The following PALM2AKAP2 variants were observed in gnomAD, a reference collection of about 807,000 sequenced individuals.
The protein encoded by PALM2AKAP2 is PALM2-AKAP2 fusion protein.
In PALM2AKAP2, 37 loss-of-function variants were observed where a neutral mutation model predicts 71.5. The ratio of observed to expected loss-of-function variants is 0.52; its 90% CI spans 0.40 to 0.68. PALM2AKAP2 has a LOEUF of 0.68. PALM2AKAP2 is among the 30% of genes least tolerant of loss of function. The pLI, the probability that PALM2AKAP2 is intolerant of heterozygous loss-of-function variation, is 0.00. For synonymous variants in PALM2AKAP2, 468 were observed against 478.8 expected, an observed-to-expected ratio of 0.98 and a Z score of 0.29; for missense variants, 1,224 against 1,191.8, an observed-to-expected ratio of 1.03 and a Z score of -0.40.
At chr9:110,058,478 T>C (rs1487444448) in intron 1 of PALM2AKAP2, among the ~76,000 whole-genome samples, 2 of 152,192 alleles carry the variant, frequency 1.3e-5, no homozygotes, top group African/African-American at 2.4e-5. Flanking sequence ...TTCCTAAGAC[T>C]TGCCCTGGCC....
rs199648303 is a variant in PALM2AKAP2, at chr9:110,137,085, A to C, written c.1115A>C (p.Gln372Pro). 427 of 1,613,156 alleles carry C rather than the reference A, an allele frequency of 2.6e-4. 1 individual carries two copies. The highest frequency in any genetic ancestry group is 1.6e-3 in the Middle Eastern group (10 of 6,084). ...CAGGAACAGTTGCTGCTGCAGAAGC[A>C]GTTACAGCAGCAGCAGCAGCAGCCC... Residue 372 changes from glutamine (Q) to proline (P), a missense_variant, in exon 2 of 4, where the codon CAG (glutamine) becomes CCG (proline). Physicochemically the swap from Gln to Pro is moderately conservative, Grantham distance 76. Transcript: ENST00000374525.
At chr9:110,006,370 C>CTTTCTTTCTTTCTTT (rs778951404) in intron 6 of PALM2AKAP2, among the ~76,000 whole-genome samples, 5 of 116,564 alleles carry the variant, frequency 4.3e-5, no homozygotes, top group African/African-American at 6.6e-5. Flanking sequence ...TTCTTTCTTT[C>CTTTCTTTCTTTCTTT]TTCTCTCTTT....
In PALM2AKAP2 at chr9:110,011,012, AAAATAT is replaced by A. The variant is rs1339038135; in HGVS notation, c.497-4940_497-4935del. ...ACTCTGTCTCAAAAAAAAAAAAAAA[AAAATAT>A]ATATATATATATATATATACTTTTG... On this transcript the variant is annotated intron_variant, in intron 6 of 9. Transcript: ENST00000302798. 6.6e-5 allele frequency among the ~76,000 whole-genome samples: 6 copies of A among 90,496 alleles called. No individual in the cohort carries two copies. The East Asian group carries it at 1.0e-3, about 15-fold the overall frequency. 59.4% of individuals were successfully genotyped at this position (90,496 alleles called of 152,430 possible).
chr9:110,169,472 G>A (rs1424830610), exon 4 of PALM2AKAP2: 2 of 152,060 alleles, frequency 1.3e-5, no homozygotes, highest in African/African-American at 4.8e-5. Context: ...ATAAAAAGGT[G>A]TTTATAACTA....
At chr9:110,015,966 A>G (rs1832973325) in exon 7 of PALM2AKAP2, 1 of 1,613,848 alleles carries the variant, frequency 6.2e-7, no homozygotes, top group South Asian at 1.1e-5. Flanking sequence ...GTCGGGTGGG[A>G]GAATGTGCTG....
intron 1 of PALM2AKAP2, among the ~76,000 whole-genome samples, chr9:109,696,434 A>T (rs1314413990): frequency 1.3e-5 from 2 of 152,258 alleles, no homozygotes; most frequent in African/African-American, 2.4e-5. Context: ...AGATTAAAAA[A>T]TTTAGTAGCA....
At chr9:109,999,662 C>A (rs772273034) in intron 6 of PALM2AKAP2, among the ~76,000 whole-genome samples, 21 of 152,238 alleles carry the variant, frequency 1.4e-4, no homozygotes, top group Admixed American at 3.3e-4. Context: ...TTCCTGCCCA[C>A]AGGTGCTTTG....
chr9:109,826,838 T>G (rs79681351), intron 1 of PALM2AKAP2, among the ~76,000 whole-genome samples: 5,131 of 152,312 alleles, frequency 0.034, 184 homozygotes, highest in East Asian at 0.13. Context: ...CCTTCACTTC[T>G]TTTGTAAACG....
chr9:109,995,873 G>A (rs114411270), intron 6 of PALM2AKAP2, among the ~76,000 whole-genome samples: 1 of 152,176 alleles, frequency 6.6e-6, no homozygotes, highest in Non-Finnish European at 1.5e-5. Flanking sequence ...GACCTTGGAG[G>A]CCTGAACTGG....
At chr9:109,664,459 A>G (rs996034030) in intron 1 of PALM2AKAP2, among the ~76,000 whole-genome samples, 10 of 152,064 alleles carry the variant, frequency 6.6e-5, no homozygotes, top group African/African-American at 2.2e-4. Context: ...GCTTGGTTTG[A>G]CTGGATATGA....
At chr9:109,956,870 T>C (rs1831755755) in intron 6 of PALM2AKAP2, among the ~76,000 whole-genome samples, 1 of 151,976 alleles carries the variant, frequency 6.6e-6, no homozygotes, top group Admixed American at 6.5e-5. Flanking sequence ...CCCCCAAAAT[T>C]TAGGAAACAC....
In PALM2AKAP2 at chr9:109,846,447, C is replaced by T. The variant is rs182562522; in HGVS notation, c.46-21044C>T. Among the ~76,000 whole-genome samples, 6 of 152,338 alleles carry T rather than the reference C, an allele frequency of 3.9e-5. No individual in the cohort carries two copies. The East Asian group carries it at 1.2e-3, about 29-fold the overall frequency. ...CCATTGTGACTCTTGCTTGAGCCCC[C>T]ACACTTAGCCCTCACCAAGCTGTGT... is the stretch of plus-strand genomic sequence containing the variant. On this transcript the variant is annotated intron_variant, in intron 1 of 9. Coordinates refer to the PALM2AKAP2 transcript ENST00000302798.
intron 1 of PALM2AKAP2, among the ~76,000 whole-genome samples, chr9:110,052,968 CAGAAA>C (rs993667681): frequency 6.6e-6 from 1 of 152,190 alleles, no homozygotes; most frequent in African/African-American, 2.4e-5. Flanking sequence ...AGTTAAGTGC[CAGAAA>C]AGAAAAGGAT....
At chr9:110,168,523 T>A (rs1253213454) in exon 4 of PALM2AKAP2, 1 of 1,612,768 alleles carries the variant, frequency 6.2e-7, no homozygotes. Flanking sequence ...GGAAGCGTCT[T>A]TGGTGCTTGG....
At chr9:110,012,908 A>G (rs886258348) in intron 6 of PALM2AKAP2, among the ~76,000 whole-genome samples, 2 of 152,252 alleles carry the variant, frequency 1.3e-5, no homozygotes, top group African/African-American at 4.8e-5. Context: ...ATGCAGAATT[A>G]TATTAGCATA....
Position 109,931,822 on chromosome 9 carries a change from C to T in PALM2AKAP2, c.395-105C>T, listed in dbSNP as rs1831108109. 1.6e-5 allele frequency: 20 copies of T among 1,285,782 alleles called. No homozygotes were observed. The South Asian group carries it at 2.3e-4, about 15-fold the overall frequency. The allele number at this position is 1,285,782 out of a possible 1,614,324, so 79.6% of individuals were successfully genotyped here. ...CCCTGATCCTCCTGTTCAGTGGCCG[C>T]CTCAGCGGTCCATTATGTAGGGCAG... On this transcript the variant is annotated intron_variant, in intron 5 of 9. Transcript: ENST00000302798.
chr9:109,749,893 A>G (rs961566229), intron 1 of PALM2AKAP2, among the ~76,000 whole-genome samples: 1 of 152,170 alleles, frequency 6.6e-6, no homozygotes, highest in Non-Finnish European at 1.5e-5. Flanking sequence ...TATCAAAGGT[A>G]TCTATGTTGG....
At chr9:109,919,137 T>C (rs549750588) in intron 3 of PALM2AKAP2, among the ~76,000 whole-genome samples, 52 of 152,350 alleles carry the variant, frequency 3.4e-4, no homozygotes, top group Non-Finnish European at 4.0e-4. Context: ...TATCACGATC[T>C]TGTTTGTTTT....
At chr9:109,653,271 C>T (rs1587854948) in intron 1 of PALM2AKAP2, among the ~76,000 whole-genome samples, 1 of 152,216 alleles carries the variant, frequency 6.6e-6, no homozygotes, top group Non-Finnish European at 1.5e-5. Context: ...GGAAACAACA[C>T]AAAAACCAAA....
Sources: gnomAD v4.1 joint callset for allele counts (sites outside exome capture counted in the v4.1 genomes callset) on GRCh38, gnomAD v4.1.1 for gene constraint, MANE v1.5 for transcripts, NCBI Gene and HGNC (gene_info 2026-07-23, HGNC 2026-07-21) for gene names.